The following CSMD1 variants were observed in gnomAD, a reference collection of about 807,000 sequenced individuals.
The protein encoded by CSMD1 is CUB and sushi domain-containing protein 1.
CSMD1 carries 213 observed loss-of-function variants against 417.5 expected under a neutral mutation model. That is an observed-to-expected ratio of 0.51 (90% CI 0.46 to 0.57). CSMD1 has a LOEUF of 0.57. CSMD1 is among the 20% of genes least tolerant of loss of function. The probability of loss-of-function intolerance (pLI) is 0.00; values close to 1 mark genes in which losing one functional copy is unlikely to be tolerated. For missense variants in CSMD1, 6,923 were observed against 4,529.7 expected, an observed-to-expected ratio of 1.53 and a Z score of -15.17; for synonymous variants, 2,862 against 1,736.8, an observed-to-expected ratio of 1.65 and a Z score of -16.11.
At chr8:3,459,772 T>C (rs1322098865) in intron 12 of CSMD1, among the ~76,000 whole-genome samples, 1 of 151,976 alleles carries the variant, frequency 6.6e-6, no homozygotes, top group Non-Finnish European at 1.5e-5. Flanking sequence ...CAGATTTGGG[T>C]CCAGGAATCA....
At chr8:3,868,677 A>T (rs1047318855) in intron 5 of CSMD1, among the ~76,000 whole-genome samples, 4 of 152,068 alleles carry the variant, frequency 2.6e-5, no homozygotes, top group Non-Finnish European at 5.9e-5. Context: ...CAATCTTTCC[A>T]TCTCATGAAT....
chr8:4,797,754 T>C (rs1798059413), intron 1 of CSMD1, among the ~76,000 whole-genome samples: 1 of 152,206 alleles, frequency 6.6e-6, no homozygotes, highest in Non-Finnish European at 1.5e-5. Flanking sequence ...AGAAGATAAG[T>C]AACTTTTATA....
At chr8:3,393,865 G>C (rs979930759) in intron 17 of CSMD1, among the ~76,000 whole-genome samples, 5 of 151,106 alleles carry the variant, frequency 3.3e-5, no homozygotes, top group Non-Finnish European at 7.4e-5. Flanking sequence ...GGCAGGGATA[G>C]CATTAGGAGA....
rs1431548731 is a variant in CSMD1 at position 4,565,741 on chromosome 8, A to AT, written c.302+71600_302+71601insA. Reference sequence around the variant, plus strand: ...CAGCGCAACACTCCACCTTAAAAAAAATATATACATATATATATATATATA... The same window carrying AT: ...CAGCGCAACACTCCACCTTAAAAAAATATATATACATATATATATATATATA... On this transcript the variant is annotated intron_variant, in intron 2 of 69. Transcript: ENST00000635120. Among the ~76,000 whole-genome samples the AT allele has an allele frequency of 6.2e-5, 7 of 112,480 alleles. No homozygotes were observed. In the East Asian group the frequency reaches 1.8e-3, roughly 28 times the overall value. The allele number at this position is 112,480 out of a possible 152,430, so 73.8% of individuals were successfully genotyped here.
intron 5 of CSMD1, among the ~76,000 whole-genome samples, chr8:3,811,172 C>A (rs750881382): frequency 1.4e-4 from 21 of 152,104 alleles, no homozygotes; most frequent in Admixed American, 4.6e-4. Context: ...ACTGTGAGAT[C>A]TGAATTCTTT....
chr8:4,622,561 T>G (rs549975606), intron 2 of CSMD1, among the ~76,000 whole-genome samples: 94 of 152,208 alleles, frequency 6.2e-4, no homozygotes, highest in Admixed American at 9.8e-4. Flanking sequence ...CTTAACATAG[T>G]GGCAGCTGGC....
intron 8 of CSMD1, among the ~76,000 whole-genome samples, chr8:3,590,244 T>C (rs1330958529): frequency 6.6e-6 from 1 of 152,172 alleles, no homozygotes; most frequent in African/African-American, 2.4e-5. Flanking sequence ...GTATCACAAG[T>C]ATCACAATAC....
At chr8:2,960,261 A>C (rs1312834533) in intron 62 of CSMD1, among the ~76,000 whole-genome samples, 1 of 152,228 alleles carries the variant, frequency 6.6e-6, no homozygotes, top group Non-Finnish European at 1.5e-5. Context: ...TGCTAGAGTC[A>C]GTATATTATT....
At chr8:4,347,335 C>G (rs1157566899) in intron 3 of CSMD1, among the ~76,000 whole-genome samples, 3 of 152,124 alleles carry the variant, frequency 2.0e-5, no homozygotes, top group African/African-American at 7.2e-5. Context: ...TAGCATAGGA[C>G]AAAACTACAT....
intron 52 of CSMD1, among the ~76,000 whole-genome samples, chr8:3,007,033 G>C (rs1372665259): frequency 3.8e-4 from 56 of 145,790 alleles, no homozygotes; most frequent in African/African-American, 1.5e-3. Flanking sequence ...ATCTGACAAA[G>C]GGCTAATATC....
chr8:4,374,566 C>A (rs1257013424), intron 3 of CSMD1, among the ~76,000 whole-genome samples: 1 of 152,042 alleles, frequency 6.6e-6, no homozygotes. Flanking sequence ...TCACACTGTC[C>A]AGGAATGAGC....
At chr8:4,498,615 G>T (rs1053926570) in intron 2 of CSMD1, among the ~76,000 whole-genome samples, 1 of 152,134 alleles carries the variant, frequency 6.6e-6, no homozygotes. Flanking sequence ...AAATAGTGTT[G>T]TCAAGGTAAA....
At chr8:4,621,624 T>G (rs987912620) in intron 2 of CSMD1, among the ~76,000 whole-genome samples, 3 of 152,056 alleles carry the variant, frequency 2.0e-5, no homozygotes, top group Non-Finnish European at 4.4e-5. Context: ...AGAAATCACA[T>G]CAAAATTACA....
intron 25 of CSMD1, 161 bp from the exon 26 acceptor site, chr8:3,284,507 C>A (rs1015415036): frequency 1.6e-6 from 1 of 626,318 alleles, no homozygotes; most frequent in African/African-American, 1.8e-5. Context: ...ATGAGGCTCA[C>A]CGAAGATAAT....
intron 4 of CSMD1, among the ~76,000 whole-genome samples, chr8:4,023,642 A>T (rs1796900087): frequency 6.8e-6 from 1 of 146,296 alleles, no homozygotes; most frequent in Non-Finnish European, 1.5e-5. Context: ...GCTAGAGTGC[A>T]GTGGCGCGAT....
intron 26 of CSMD1, among the ~76,000 whole-genome samples, chr8:3,275,262 T>A (rs1191605200): frequency 6.6e-6 from 1 of 152,226 alleles, no homozygotes; most frequent in Non-Finnish European, 1.5e-5. Context: ...TGGCCACCGC[T>A]CTCTTCTGGC....
At chr8:3,697,147 G>C (rs1163807585) in intron 7 of CSMD1, among the ~76,000 whole-genome samples, 15 of 152,080 alleles carry the variant, frequency 9.9e-5, no homozygotes. Flanking sequence ...GTCTAAATTG[G>C]CTTTTTTGTT....
At chr8:4,116,404 C>A (rs1204846487) in intron 3 of CSMD1, among the ~76,000 whole-genome samples, 1 of 151,822 alleles carries the variant, frequency 6.6e-6, no homozygotes, top group African/African-American at 2.4e-5. Context: ...CATGAATGAA[C>A]CCTAACGTAA....
intron 23 of CSMD1, among the ~76,000 whole-genome samples, chr8:3,319,738 C>T (rs545810164): frequency 1.3e-5 from 2 of 151,952 alleles, no homozygotes; most frequent in African/African-American, 4.8e-5. Flanking sequence ...AGAAAAGTGT[C>T]AGAAGAACAT....
Sources: allele counts gnomAD v4.1 joint callset (sites outside exome capture counted in the v4.1 genomes callset), GRCh38; gene constraint gnomAD v4.1.1; transcripts MANE v1.5; gene names NCBI Gene and HGNC (gene_info 2026-07-23, HGNC 2026-07-21).